The following PXDNL variants were observed in gnomAD, a reference collection of about 807,000 sequenced individuals.
The protein encoded by PXDNL is peroxidasin like.
In PXDNL, 145 loss-of-function variants were observed where a neutral mutation model predicts 150.8. The ratio of observed to expected loss-of-function variants is 0.96; its 90% CI spans 0.84 to 1.10. The LOEUF (loss-of-function observed/expected upper bound fraction) is 1.10, where lower values mean the gene tolerates loss of function less well. PXDNL is among the 50% of genes least tolerant of loss of function. The pLI is 0.00. For missense variants in PXDNL, 2,087 were observed against 1,873.9 expected, an observed-to-expected ratio of 1.11 and a Z score of -2.10; for synonymous variants, 757 against 725.7, an observed-to-expected ratio of 1.04 and a Z score of -0.69.
At chr8:51,726,774 A>G (rs1438324767) in intron 1 of PXDNL, among the ~76,000 whole-genome samples, 1 of 152,010 alleles carries the variant, frequency 6.6e-6, no homozygotes, top group African/African-American at 2.4e-5. Flanking sequence ...CTAAAAGCTT[A>G]TTTAAAAAAA....
intron 14 of PXDNL, among the ~76,000 whole-genome samples, chr8:51,415,882 C>G (rs1304075638): frequency 1.3e-5 from 2 of 152,020 alleles, no homozygotes; most frequent in African/African-American, 4.8e-5. Flanking sequence ...AGGAATCAAT[C>G]AATATAATTA....
rs1563374211 is a variant in PXDNL at position 51,361,960 on chromosome 8, A to AAAAAAAAAAAAAG, written c.3901+9912_3901+9913insCTTTTTTTTTTTT. ...CTCAAAAAAAAAAAAAAAAAAAAAAAAAAAAGAAAAGAAAAGAAAAAGAAA... is the reference window on the plus strand; with the variant it reads ...CTCAAAAAAAAAAAAAAAAAAAAAAAAAAAAAAAAAAAGAAAAAGAAAAGAAAAGAAAAAGAAA... On this transcript the variant is annotated intron_variant, in intron 19 of 22. Coordinates refer to ENST00000356297, the MANE Select transcript of PXDNL (RefSeq NM_144651.5). Among the ~76,000 whole-genome samples, 51 of 148,978 alleles carry AAAAAAAAAAAAAG rather than the reference A, an allele frequency of 3.4e-4. 1 individual carries two copies. The highest frequency in any genetic ancestry group is 1.2e-3 in the African/African-American group (50 of 40,048).
intron 14 of PXDNL, among the ~76,000 whole-genome samples, chr8:51,419,003 C>T (rs951701682): frequency 6.6e-6 from 1 of 152,106 alleles, no homozygotes; most frequent in Non-Finnish European, 1.5e-5. Context: ...GAAGATAAAT[C>T]GTGAGGGCTC....
chr8:51,496,840 C>T (rs928327616), intron 5 of PXDNL, among the ~76,000 whole-genome samples: 5 of 152,152 alleles, frequency 3.3e-5, no homozygotes, highest in African/African-American at 1.2e-4. Flanking sequence ...GAATCAATGT[C>T]ATGAAAATGG....
At chr8:51,345,496 C>T (rs981108452) in intron 20 of PXDNL, among the ~76,000 whole-genome samples, 2 of 152,164 alleles carry the variant, frequency 1.3e-5, no homozygotes, top group South Asian at 2.1e-4. Flanking sequence ...TTACCTTTCT[C>T]GCAAACAATA....
intron 1 of PXDNL, among the ~76,000 whole-genome samples, chr8:51,672,472 G>A (rs1268544202): frequency 2.0e-5 from 3 of 152,068 alleles, no homozygotes; most frequent in South Asian, 4.1e-4. Context: ...CTATGGCTTC[G>A]TTTCTGCCTG....
intron 2 of PXDNL, among the ~76,000 whole-genome samples, chr8:51,631,894 AAATT>A (rs1469999666): frequency 6.6e-6 from 1 of 152,144 alleles, no homozygotes; most frequent in African/African-American, 2.4e-5. Context: ...GTAAAATAAA[AAATT>A]AATTAAATGC....
At chr8:51,713,010 G>A (rs886345580) in intron 1 of PXDNL, among the ~76,000 whole-genome samples, 10 of 152,180 alleles carry the variant, frequency 6.6e-5, no homozygotes, top group Admixed American at 5.9e-4. Context: ...TCTAACGTGA[G>A]CTAATTTTAA....
At chr8:51,610,907 A>T (rs546229771) in intron 2 of PXDNL, among the ~76,000 whole-genome samples, 1 of 152,200 alleles carries the variant, frequency 6.6e-6, no homozygotes, top group Non-Finnish European at 1.5e-5. Context: ...CTTTTGATTG[A>T]CTCAAAGTCA....
At chr8:51,481,600 G>A (rs557856893) in intron 6 of PXDNL, among the ~76,000 whole-genome samples, 12 of 152,188 alleles carry the variant, frequency 7.9e-5, no homozygotes, top group Non-Finnish European at 1.2e-4. Context: ...TCACTGGCCT[G>A]GAGGCCTAGG....
At chr8:51,458,828 A>G (rs1464094552) in intron 8 of PXDNL, among the ~76,000 whole-genome samples, 1 of 152,248 alleles carries the variant, frequency 6.6e-6, no homozygotes, top group African/African-American at 2.4e-5. Flanking sequence ...GATAAGAAAG[A>G]AACAGACAAT....
At chr8:51,539,857 G>A (rs1812172231) in intron 4 of PXDNL, among the ~76,000 whole-genome samples, 1 of 151,498 alleles carries the variant, frequency 6.6e-6, no homozygotes, top group Non-Finnish European at 1.5e-5. Context: ...AGTTCAGCTT[G>A]AGGTCTATCA....
intron 1 of PXDNL, among the ~76,000 whole-genome samples, chr8:51,776,992 T>G (rs939280678): frequency 6.6e-6 from 1 of 152,208 alleles, no homozygotes; most frequent in East Asian, 1.9e-4. Context: ...TACGTCACTA[T>G]GGGTTTACAA....
At position 51,408,497 on chromosome 8, in the gene PXDNL, C is replaced by T. The variant is rs1461888024; in HGVS notation, c.3127G>A (p.Gly1043Ser). 6.2e-7 allele frequency: 1 copy of T among 1,613,448 alleles called. No homozygotes were observed. The highest frequency in any genetic ancestry group is 1.3e-5 in the African/African-American group (1 of 74,934). ...YRGYNPNVNA[G>S]IINSFATAAF... ...GCAGTAGCAAAAGAGTTAATGATGC[C>T]TGCATTCACGTTGGGGTTGTAGCCT... The change falls in exon 17 of 23, where the codon GGC becomes AGC. Residue 1043 changes from glycine (G) to serine (S), a missense_variant. Gly to Ser is a moderately conservative substitution (Grantham distance 56). Coordinates refer to ENST00000356297, the MANE Select transcript of PXDNL (RefSeq NM_144651.5).
chr8:51,514,086 G>A (rs1037926359), intron 4 of PXDNL, among the ~76,000 whole-genome samples: 1 of 152,220 alleles, frequency 6.6e-6, no homozygotes, highest in Non-Finnish European at 1.5e-5. Context: ...GAAGAAGAAC[G>A]CAGAGCTCTA....
chr8:51,700,792 A>C (rs1816242901), intron 1 of PXDNL, among the ~76,000 whole-genome samples: 1 of 152,024 alleles, frequency 6.6e-6, no homozygotes, highest in African/African-American at 2.4e-5. Flanking sequence ...ACATATAAAC[A>C]CATACACACA....
intron 1 of PXDNL, among the ~76,000 whole-genome samples, chr8:51,776,067 C>T (rs113373963): frequency 0.025 from 3,872 of 152,212 alleles, 167 homozygotes; most frequent in African/African-American, 0.088. Context: ...TCTCCTGTAG[C>T]GCTCCCAGGC....
At chr8:51,371,540 A>C (rs1807113377) in intron 19 of PXDNL, among the ~76,000 whole-genome samples, 1 of 152,210 alleles carries the variant, frequency 6.6e-6, no homozygotes, top group South Asian at 2.1e-4. Flanking sequence ...TTGTTAGATG[A>C]ACCCCAAGAA....
intron 19 of PXDNL, among the ~76,000 whole-genome samples, chr8:51,360,127 C>G (rs1806672802): frequency 7.3e-6 from 1 of 136,690 alleles, no homozygotes; most frequent in Non-Finnish European, 1.5e-5. Flanking sequence ...TGTACACTTA[C>G]TCATGTGTAT....
Sources: gnomAD v4.1 joint callset for allele counts (sites outside exome capture counted in the v4.1 genomes callset) on GRCh38, gnomAD v4.1.1 for gene constraint, MANE v1.5 for transcripts, NCBI Gene and HGNC (gene_info 2026-07-23, HGNC 2026-07-21) for gene names.